CXADR: variants seen among roughly 807,000 people sequenced by gnomAD.
The protein encoded by CXADR is coxsackievirus and adenovirus receptor.
A neutral mutation model predicts 40.3 loss-of-function variants in CXADR; 20 were observed. The ratio of observed to expected loss-of-function variants is 0.50; its 90% CI spans 0.35 to 0.72. The LOEUF is 0.72. CXADR is among the 30% of genes least tolerant of loss of function. CXADR has a pLI of 0.01. For missense variants in CXADR, 332 were observed against 449.1 expected, an observed-to-expected ratio of 0.74 and a Z score of 2.36; for synonymous variants, 150 against 161.3, an observed-to-expected ratio of 0.93 and a Z score of 0.53.
At chr21:17,594,199 C>A, downstream of CXADR, 1 of 1,613,302 alleles carries the variant, frequency 6.2e-7, no homozygotes, top group Non-Finnish European at 8.5e-7. Context: ...TTTATTTTTT[C>A]TTCCCTGATT....
intron 7 of CXADR, among the ~76,000 whole-genome samples, chr21:17,589,325 TTTGA>T (rs897453672): frequency 2.1e-4 from 32 of 152,094 alleles, no homozygotes; most frequent in African/African-American, 7.5e-4. Flanking sequence ...AAACATACAA[TTTGA>T]TTATCACTGA....
intron 4 of CXADR, among the ~76,000 whole-genome samples, chr21:17,559,879 A>G (rs2061090737): frequency 6.7e-6 from 1 of 149,712 alleles, no homozygotes; most frequent in Non-Finnish European, 1.5e-5. Flanking sequence ...GAGTTTCTGC[A>G]TGTTGCCCAC....
the CXADR span, among the ~76,000 whole-genome samples, chr21:17,618,693 C>T: frequency 1.3e-5 from 2 of 152,030 alleles, no homozygotes; most frequent in African/African-American, 2.4e-5. Context: ...TGCACCACCA[C>T]GCCCGGCTAA....
chr21:17,554,385 C>A (rs1160592422), intron 3 of CXADR, among the ~76,000 whole-genome samples: 1 of 152,136 alleles, frequency 6.6e-6, no homozygotes, highest in African/African-American at 2.4e-5. Flanking sequence ...CTTTGAACCC[C>A]AGCATGTCCT....
chr21:17,532,186 A>G (rs911446379), intron 1 of CXADR, among the ~76,000 whole-genome samples: 3 of 151,582 alleles, frequency 2.0e-5, no homozygotes, highest in African/African-American at 7.3e-5. Context: ...TCCTGCCCCA[A>G]CCTCCCAAAG....
Position 17,567,678 on chromosome 21 carries a change from A to G in CXADR, c.*1986A>G, listed in dbSNP as rs553943023. 3.8e-5 allele frequency: 36 copies of G among 950,756 alleles called. No individual in the cohort carries two copies. In the South Asian group the frequency reaches 1.7e-3, roughly 45 times the overall value. The allele number at this position is 950,756 out of a possible 1,614,324, so 58.9% of individuals were successfully genotyped here. The stretch of plus-strand genomic sequence containing the variant: ...AACAGTAGCCATTTTTGAAAGTCAG[A>G]TGTTTGGCCTGTTTTATATGAATAA... On this transcript the variant is annotated 3_prime_UTR_variant, in exon 7 of 7. Coordinates refer to ENST00000284878, the MANE Select transcript of CXADR (RefSeq NM_001338.5).
At chr21:17,555,146 C>G (rs1312447457) in intron 3 of CXADR, among the ~76,000 whole-genome samples, 4 of 152,146 alleles carry the variant, frequency 2.6e-5, no homozygotes, top group Non-Finnish European at 4.4e-5. Context: ...GGCACCTTCC[C>G]CTGGAGCTCT....
At chr21:17,530,263 C>T in intron 1 of CXADR, 1 of 296,750 alleles carries the variant, frequency 3.4e-6, no homozygotes, top group South Asian at 2.9e-5. Flanking sequence ...CTGGGCCCGG[C>T]CTCCTTCACC....
intron 7 of CXADR, among the ~76,000 whole-genome samples, chr21:17,587,229 T>G (rs2061403825): frequency 6.6e-6 from 1 of 152,302 alleles, no homozygotes; most frequent in East Asian, 1.9e-4. Context: ...AGCAGCATGA[T>G]TTATAATCCT....
At chr21:17,588,302 T>C (rs1021207250) in intron 7 of CXADR, among the ~76,000 whole-genome samples, 4 of 152,230 alleles carry the variant, frequency 2.6e-5, no homozygotes, top group Admixed American at 2.6e-4. Flanking sequence ...GGGATGGCAT[T>C]GAATCTATAA....
In CXADR at chr21:17,567,524, T is replaced by C. The variant is rs1331716973; in HGVS notation, c.*1832T>C. On this transcript the variant is annotated 3_prime_UTR_variant, in exon 7 of 7. Coordinates refer to ENST00000284878, the MANE Select transcript of CXADR (RefSeq NM_001338.5). ...TGTTTCTAAAAACACATCACTGTGA[T>C]ACCTTTCTATCCTCACATTTTCAAG... 1 of 985,382 alleles carries C rather than the reference T, an allele frequency of 1.0e-6. No individual in the cohort carries two copies. Among genetic ancestry groups the C allele is most frequent in the Non-Finnish European group, 1.2e-6 (1 of 829,872 alleles). The allele number at this position is 985,382 out of a possible 1,614,324, so 61.0% of individuals were successfully genotyped here. A position where few individuals can be genotyped will look rare whatever the true frequency, so the allele number is the denominator to read the frequency against.
chr21:17,563,934 C>CT (rs1314011916), intron 6 of CXADR, among the ~76,000 whole-genome samples: 5 of 21,210 alleles, frequency 2.4e-4, no homozygotes, highest in Middle Eastern at 0.083. Flanking sequence ...GAGCAAGACT[C>CT]TGTCTCAAAA....
At chr21:17,541,787 A>G (rs947565219) in intron 1 of CXADR, among the ~76,000 whole-genome samples, 3 of 152,174 alleles carry the variant, frequency 2.0e-5, no homozygotes, top group African/African-American at 7.2e-5. Flanking sequence ...ATACTACAGA[A>G]GTAATACTAT....
At chr21:17,598,552 G>C, downstream of CXADR, 1 of 1,373,980 alleles carries the variant, frequency 7.3e-7, no homozygotes, top group Non-Finnish European at 1.0e-6. Flanking sequence ...TGCCAAGTAG[G>C]ACTACCTGAA....
chr21:17,520,222 A>G (rs12626590), intron 1 of CXADR, among the ~76,000 whole-genome samples: 1 of 152,122 alleles, frequency 6.6e-6, no homozygotes, highest in Non-Finnish European at 1.5e-5. Context: ...ACAATAGAAC[A>G]TGACATTGCA....
At position 17,568,927 on chromosome 21, in the gene CXADR, GAAA is replaced by G; in HGVS notation, c.*3239_*3241del. 1 of 984,568 alleles carries G rather than the reference GAAA, an allele frequency of 1.0e-6. No individual in the cohort carries two copies. The highest frequency in any genetic ancestry group is 1.2e-6 in the Non-Finnish European group (1 of 829,336). 61.0% of individuals were successfully genotyped at this position (984,568 alleles called of 1,614,324 possible). A position where few individuals can be genotyped will look rare whatever the true frequency, so the allele number is the denominator to read the frequency against. Reference sequence around the variant, plus strand: ...AGTGTATCTTAGGGAGAGTTTGATTGAAAAAATCCAAATCACTATCCATATAGA... The same window carrying G: ...AGTGTATCTTAGGGAGAGTTTGATTGAAATCCAAATCACTATCCATATAGA... On this transcript the variant is annotated 3_prime_UTR_variant, in exon 7 of 7. Coordinates refer to ENST00000284878, the MANE Select transcript of CXADR (RefSeq NM_001338.5).
At position 17,579,087 on chromosome 21, in the gene CXADR, G is replaced by A. The variant is rs77442076; in HGVS notation, c.1017+13476G>A. 8.5e-5 allele frequency among the ~76,000 whole-genome samples: 13 copies of A among 152,198 alleles called. No homozygotes were observed. The East Asian group carries it at 2.5e-3, about 29-fold the overall frequency. On this transcript the variant is annotated intron_variant, in intron 7 of 7. Coordinates refer to the CXADR transcript ENST00000400169. Reference sequence around the variant, plus strand: ...AAGCAAGACGGCACAGTAACTAGAAGCAGGGCAAAGGTTAGTTTAAGATAG... The same window carrying A: ...AAGCAAGACGGCACAGTAACTAGAAACAGGGCAAAGGTTAGTTTAAGATAG...
intron 1 of CXADR, among the ~76,000 whole-genome samples, chr21:17,533,234 C>G (rs577378106): frequency 3.3e-5 from 5 of 152,216 alleles, no homozygotes; most frequent in African/African-American, 1.2e-4. Context: ...GTCAGATAAC[C>G]TAGTCTGACA....
intron 7 of CXADR, among the ~76,000 whole-genome samples, chr21:17,592,791 T>C (rs1277079707): frequency 1.3e-5 from 2 of 151,862 alleles, no homozygotes; most frequent in East Asian, 1.9e-4. Context: ...AAATTGTGTA[T>C]GGCTTAAAGA....
Sources: allele counts gnomAD v4.1 joint callset (sites outside exome capture counted in the v4.1 genomes callset), GRCh38; gene constraint gnomAD v4.1.1; transcripts MANE v1.5; gene names NCBI Gene and HGNC (gene_info 2026-07-23, HGNC 2026-07-21).